PPP1R9A: variants seen among roughly 807,000 people sequenced by gnomAD.
The protein encoded by PPP1R9A is neurabin-1.
Under a neutral mutation model 141.9 loss-of-function variants are expected in PPP1R9A, and 59 were observed. The observed-to-expected ratio is 0.42, with a 90% confidence interval of 0.34 to 0.52. The LOEUF (loss-of-function observed/expected upper bound fraction) is 0.52. PPP1R9A is among the 20% of genes least tolerant of loss of function. PPP1R9A has a pLI of 0.10. For missense variants in PPP1R9A, 1,444 were observed against 1,611.9 expected (o/e 0.90, Z 1.78); for synonymous variants, 500 against 569.7 (o/e 0.88, Z 1.74).
intron 5 of PPP1R9A, among the ~76,000 whole-genome samples, chr7:95,183,008 G>A (rs913728503): frequency 6.6e-6 from 1 of 152,038 alleles, no homozygotes; most frequent in African/African-American, 2.4e-5. Context: ...AAGGGATGTA[G>A]TATTTTTGGA....
chr7:95,100,050 TATGTGTGTGTATGC>T (rs1325451362), intron 2 of PPP1R9A, among the ~76,000 whole-genome samples: 1 of 152,112 alleles, frequency 6.6e-6, no homozygotes, highest in African/African-American at 2.4e-5. Context: ...TTTACTTATA[TATGTGTGTGTATGC>T]ATGTGTGTGT....
intron 2 of PPP1R9A, among the ~76,000 whole-genome samples, chr7:94,924,676 G>A (rs529700609): frequency 6.6e-6 from 1 of 152,138 alleles, no homozygotes; most frequent in African/African-American, 2.4e-5. Flanking sequence ...TTACAGGCAC[G>A]CACCACCATG....
At chr7:95,199,258 A>T (rs1041172690) in intron 6 of PPP1R9A, among the ~76,000 whole-genome samples, 1 of 152,166 alleles carries the variant, frequency 6.6e-6, no homozygotes, top group Non-Finnish European at 1.5e-5. Context: ...TTAAACATTC[A>T]TGTGTTTCAT....
chr7:95,207,699 G>T (rs980782847), intron 7 of PPP1R9A, among the ~76,000 whole-genome samples: 5 of 152,062 alleles, frequency 3.3e-5, no homozygotes, highest in Non-Finnish European at 7.4e-5. Context: ...ATTCACATAT[G>T]ATGAGATTGT....
At chr7:95,242,806 T>G (rs979616976) in intron 8 of PPP1R9A, among the ~76,000 whole-genome samples, 1 of 152,080 alleles carries the variant, frequency 6.6e-6, no homozygotes, top group African/African-American at 2.4e-5. Context: ...ATTTATGCCC[T>G]CCTAATCCCA....
intron 2 of PPP1R9A, among the ~76,000 whole-genome samples, chr7:94,934,489 T>C (rs1794526543): frequency 6.6e-6 from 1 of 152,128 alleles, no homozygotes; most frequent in Non-Finnish European, 1.5e-5. Flanking sequence ...CTCATGTTTA[T>C]AGAACATTTT....
intron 2 of PPP1R9A, among the ~76,000 whole-genome samples, chr7:95,035,375 C>T (rs1008931031): frequency 6.6e-6 from 1 of 151,920 alleles, no homozygotes; most frequent in East Asian, 1.9e-4. Flanking sequence ...GTACATAGAG[C>T]CCAATTTTTT....
chr7:95,271,162 G>A (rs1033703178), intron 14 of PPP1R9A, among the ~76,000 whole-genome samples: 2 of 152,220 alleles, frequency 1.3e-5, no homozygotes, highest in African/African-American at 4.8e-5. Context: ...TGCTTATGCA[G>A]GGTGGAGTAG....
intron 2 of PPP1R9A, among the ~76,000 whole-genome samples, chr7:95,083,331 A>T (rs1477648223): frequency 6.6e-6 from 1 of 151,790 alleles, no homozygotes; most frequent in Non-Finnish European, 1.5e-5. Context: ...CCTGTGTGAC[A>T]TTCCTTGCCC....
intron 4 of PPP1R9A, among the ~76,000 whole-genome samples, chr7:95,144,862 A>G (rs1584933794): frequency 6.6e-6 from 1 of 152,216 alleles, no homozygotes; most frequent in East Asian, 1.9e-4. Flanking sequence ...GTTAGAACTA[A>G]TAAATAAATT....
At chr7:95,144,590 C>T (rs963985683) in intron 4 of PPP1R9A, among the ~76,000 whole-genome samples, 9 of 151,858 alleles carry the variant, frequency 5.9e-5, no homozygotes, top group East Asian at 1.9e-4. Flanking sequence ...TGGAATGTAC[C>T]GCGGCACAAT....
intron 2 of PPP1R9A, among the ~76,000 whole-genome samples, chr7:94,942,077 G>A (rs897115416): frequency 6.6e-6 from 1 of 151,654 alleles, no homozygotes; most frequent in Non-Finnish European, 1.5e-5. Context: ...TTCTTAATGA[G>A]GTTAGGAAAA....
intron 4 of PPP1R9A, among the ~76,000 whole-genome samples, chr7:95,139,860 C>T (rs901683869): frequency 1.0e-4 from 15 of 150,510 alleles, no homozygotes; most frequent in Non-Finnish European, 2.2e-4. Flanking sequence ...GACTCCCAAC[C>T]TCATCATGAG....
intron 7 of PPP1R9A, among the ~76,000 whole-genome samples, chr7:95,221,346 C>T (rs1158800045): frequency 2.6e-5 from 4 of 152,042 alleles, no homozygotes; most frequent in African/African-American, 9.7e-5. Flanking sequence ...GTCTCAGGAC[C>T]AGGACTTGAA....
intron 5 of PPP1R9A, among the ~76,000 whole-genome samples, chr7:95,173,729 A>G (rs1832496927): frequency 6.6e-6 from 1 of 152,080 alleles, no homozygotes; most frequent in East Asian, 1.9e-4. Context: ...ACTTAAAGAG[A>G]CAGTTCATCA....
chr7:94,985,243 C>T (rs1800663428), intron 2 of PPP1R9A, among the ~76,000 whole-genome samples: 1 of 151,664 alleles, frequency 6.6e-6, no homozygotes, highest in Non-Finnish European at 1.5e-5. Context: ...GAGTGCTTTA[C>T]TATGTGGTCA....
intron 4 of PPP1R9A, among the ~76,000 whole-genome samples, chr7:95,139,931 T>C (rs967676600): frequency 4.6e-5 from 7 of 152,174 alleles, no homozygotes; most frequent in Non-Finnish European, 8.8e-5. Flanking sequence ...GAAGACTTTT[T>C]GTTTTTTGTT....
At chr7:95,085,380 A>T (rs1171722112) in intron 2 of PPP1R9A, among the ~76,000 whole-genome samples, 1 of 151,084 alleles carries the variant, frequency 6.6e-6, no homozygotes, top group Non-Finnish European at 1.5e-5. Flanking sequence ...GATTATAGGC[A>T]TGAGCCACTG....
At chr7:94,929,100 T>A (rs1793838379) in intron 2 of PPP1R9A, among the ~76,000 whole-genome samples, 1 of 152,224 alleles carries the variant, frequency 6.6e-6, no homozygotes. Flanking sequence ...TTTTTATGAT[T>A]TCTAACTTTA....
Sources: allele counts gnomAD v4.1 joint callset (sites outside exome capture counted in the v4.1 genomes callset), GRCh38; gene constraint gnomAD v4.1.1; transcripts MANE v1.5; gene names NCBI Gene and HGNC (gene_info 2026-07-23, HGNC 2026-07-21).